Variants in MIP observed in about 807,000 individuals in gnomAD.
MIP encodes major intrinsic protein of lens fiber, also known as lens fiber major intrinsic protein.
In MIP, 14 loss-of-function variants were observed where a neutral mutation model predicts 21.8. The observed-to-expected ratio is 0.64, with a 90% CI of 0.42 to 1.00. The LOEUF is 1.00. MIP is among the 50% of genes least tolerant of loss of function. MIP has a pLI of 0.00. For missense variants in MIP, 260 were observed against 333.5 expected, an observed-to-expected ratio of 0.78 and a Z score of 1.72; for synonymous variants, 133 against 141.4, an observed-to-expected ratio of 0.94 and a Z score of 0.42.
intron 1 of MIP, among the ~76,000 whole-genome samples, chr12:56,454,051 T>C (rs1868713819): frequency 6.6e-6 from 1 of 152,182 alleles, no homozygotes; most frequent in Non-Finnish European, 1.5e-5. Flanking sequence ...AACTCAGGTT[T>C]CTTAATTCTC....
Position 56,453,702 on chromosome 12 carries a change from C to A in MIP, c.414G>T (p.Thr138=), listed in dbSNP as rs746222267. ...CAAAGATGCAGAGCACGAACTGGAG[C>A]GTCAGGAAGATCTCCACTGTGGTTG... ...GQATTVEIFL[T]LQFVLCIFAT... Residue 138 remains threonine (T), a synonymous_variant, in exon 2 of 4, where the codon ACG becomes ACT. Coordinates refer to ENST00000652304, the MANE Select transcript of MIP (RefSeq NM_012064.4). 3 of 1,614,088 alleles carry A rather than the reference C, an allele frequency of 1.9e-6. No individual in the cohort carries two copies. Among genetic ancestry groups the A allele is most frequent in the Non-Finnish European group, 2.5e-6 (3 of 1,179,990 alleles).
Position 56,454,501 on chromosome 12 carries a change from G to A in MIP, c.113C>T (p.Pro38Leu), listed in dbSNP as rs1203856217. 1 of 1,612,860 alleles carries A rather than the reference G, an allele frequency of 6.2e-7. No homozygotes were observed. Residue 38 changes from proline (P) to leucine (L), a missense_variant, in exon 1 of 4, where the codon CCC becomes CTC. Transcript: ENST00000652304. Reference protein sequence around the residue: ...LGSSLRWAPGPLHVLQVAMAF... With the variant: ...LGSSLRWAPGLLHVLQVAMAF... ...CATAGCCACCTGCAGAACATGCAGG[G>A]GTCCAGGAGCCCAGCGCAGTGAGGA...
At chr12:56,454,211 G>GAC (rs757881231) in intron 1 of MIP, 43 bp downstream of exon 1, 14 of 1,613,488 alleles carry the variant, frequency 8.7e-6, no homozygotes, top group African/African-American at 1.3e-5. Context: ...GCAATAGAGA[G>GAC]ACAGGACACC....
At position 56,452,340 on chromosome 12, in the gene MIP, T is replaced by C. The variant is rs556181781; in HGVS notation, c.606+732A>G. Among the ~76,000 whole-genome samples, 251 of 152,346 alleles carry C rather than the reference T, an allele frequency of 1.6e-3. 1 individual carries two copies. Among genetic ancestry groups the C allele is most frequent in the Admixed American group, 3.9e-3 (59 of 15,306 alleles). On this transcript the variant is annotated intron_variant, in intron 3 of 3. Coordinates refer to ENST00000652304, the MANE Select transcript of MIP (RefSeq NM_012064.4). ...ATAATGTCCTCAAGATTCATCCATG[T>C]TGTGGTATGTGTCACAATTTCCTTC... is the stretch of plus-strand genomic sequence containing the variant.
At chr12:56,452,707 G>A (rs147726729) in intron 3 of MIP, 418 of 330,778 alleles carry the variant, frequency 1.3e-3, no homozygotes, top group Non-Finnish European at 2.2e-3. Flanking sequence ...AGCCGATAAC[G>A]TATTAGAACT....
intron 1 of MIP, among the ~76,000 whole-genome samples, chr12:56,453,977 C>T (rs1187312069): frequency 6.6e-6 from 1 of 152,148 alleles, no homozygotes; most frequent in Non-Finnish European, 1.5e-5. Context: ...GAAACTGAGG[C>T]CTTGAAAGGT....
intron 1 of MIP, 64 bp from the exon 2 acceptor site, chr12:56,453,819 C>T (rs1043333233): frequency 1.3e-6 from 2 of 1,532,362 alleles, no homozygotes. Context: ...CTCCTCAAGA[C>T]TTCCCCGGCA....
chr12:56,454,864 G>A (rs1399150316), upstream of MIP, among the ~76,000 whole-genome samples: 2 of 152,178 alleles, frequency 1.3e-5, no homozygotes, highest in Non-Finnish European at 2.9e-5. Context: ...TGGGATTGGG[G>A]TCACAGCAAG....
Position 56,450,775 on chromosome 12 carries a change from A to G in MIP, c.*505T>C, listed in dbSNP as rs774053. On this transcript the variant is annotated 3_prime_UTR_variant, in exon 4 of 4. Transcript: ENST00000652304. ...CACCTCCCTTGAGTCCCTTCTCCTAACCCTTGGAAGCCTTGTCTCCTCCAC... is the reference window on the plus strand; with the variant it reads ...CACCTCCCTTGAGTCCCTTCTCCTAGCCCTTGGAAGCCTTGTCTCCTCCAC... 0.85 allele frequency: 138,809 copies of G among 163,274 alleles called. 60,703 individuals are homozygous for G. The highest frequency in any genetic ancestry group is 1 in the East Asian group (5,509 of 5,536). 10.1% of individuals were successfully genotyped at this position (163,274 alleles called of 1,614,324 possible).
At chr12:56,455,847 G>A (rs1868776081), upstream of MIP, among the ~76,000 whole-genome samples, 1 of 152,302 alleles carries the variant, frequency 6.6e-6, no homozygotes, top group African/African-American at 2.4e-5. Flanking sequence ...GGTGAGGCCT[G>A]CAAGAATGGT....
Position 56,450,959 on chromosome 12 carries a change from A to G in MIP, c.*321T>C. ...CTGGGTCGAGGAAGGGAGGTATAGG[A>G]TGGCACCTCTTTTTGCTTCCTTAGC... On this transcript the variant is annotated 3_prime_UTR_variant, in exon 4 of 4. Coordinates refer to ENST00000652304, the MANE Select transcript of MIP (RefSeq NM_012064.4). 2.7e-6 allele frequency: 1 copy of G among 373,824 alleles called. No individual in the cohort carries two copies. Among genetic ancestry groups the G allele is most frequent in the Non-Finnish European group, 5.0e-6 (1 of 199,694 alleles). The allele number at this position is 373,824 out of a possible 1,614,324, so 23.2% of individuals were successfully genotyped here. A position where few individuals can be genotyped will look rare whatever the true frequency, so the allele number is the denominator to read the frequency against.
chr12:56,451,363 G>A lies in MIP; in HGVS notation c.709C>T (p.Leu237Phe), dbSNP rs368530037. The A allele has an allele frequency of 1.2e-6, 2 of 1,613,942 alleles. No homozygotes were observed. Among genetic ancestry groups the A allele is most frequent in the African/African-American group, 2.7e-5 (2 of 74,898 alleles). The change falls in exon 4 of 4, where the codon CTC becomes TTC. Residue 237 changes from leucine to phenylalanine, a missense_variant. Physicochemically the swap from Leu to Phe is conservative, Grantham distance 22 (BLOSUM62 0). Transcript: ENST00000652304. Reference protein sequence around the residue: ...LKSISERLSVLKGAKPDVSNG... With the variant: ...LKSISERLSVFKGAKPDVSNG... ...GAGACATCGGGTTTGGCACCCTTGAGGACAGACAGTCTCTCAGAAATACTC... is the reference window on the plus strand; with the variant it reads ...GAGACATCGGGTTTGGCACCCTTGAAGACAGACAGTCTCTCAGAAATACTC...
At chr12:56,455,842 G>A (rs1272964441), upstream of MIP, among the ~76,000 whole-genome samples, 1 of 152,166 alleles carries the variant, frequency 6.6e-6, no homozygotes, top group Non-Finnish European at 1.5e-5. Flanking sequence ...TTCGAGGTGA[G>A]GCCTGCAAGA....
intron 3 of MIP, among the ~76,000 whole-genome samples, chr12:56,452,069 T>C (rs1319468710): frequency 6.6e-6 from 1 of 152,108 alleles, no homozygotes; most frequent in East Asian, 1.9e-4. Context: ...TATATATATG[T>C]TTTTAAGTGT....
In MIP at chr12:56,453,534, G is replaced by T. The variant is rs543263451; in HGVS notation, c.525+57C>A. ...GGCAGGAAGAACCCTTAAAAGTTGG[G>T]AAAGGTTTAGGGGCCCCGGAATCCT... On this transcript the variant is annotated intron_variant, in intron 2 of 3. Coordinates refer to ENST00000652304, the MANE Select transcript of MIP (RefSeq NM_012064.4). The T allele has an allele frequency of 6.2e-6, 10 of 1,600,636 alleles. 1 individual carries two copies. The Admixed American group carries it at 1.5e-4, about 24-fold the overall frequency.
chr12:56,452,943 C>T, intron 3 of MIP, 129 bp downstream of exon 3: 1 of 754,952 alleles, frequency 1.3e-6, no homozygotes, highest in East Asian at 2.5e-5. Context: ...AACTCTCTGA[C>T]AGCCCCCTTA....
chr12:56,454,198 A>G (rs1868718216), intron 1 of MIP, 56 bp downstream of exon 1: 3 of 1,612,266 alleles, frequency 1.9e-6, no homozygotes, highest in Middle Eastern at 1.6e-4. Context: ...TCAGGGAGTC[A>G]GGGCAATAGA....
Position 56,451,265 on chromosome 12 carries a change from A to C in MIP, c.*15T>G, listed in dbSNP as rs775991985. ...AACTCAGAAGCTTTCTACTCCCTCT[A>C]TTCAGCTGGAGCTTCTACAGGGCCT... is the stretch of plus-strand genomic sequence containing the variant. On this transcript the variant is annotated 3_prime_UTR_variant, in exon 4 of 4. Transcript: ENST00000652304. 1 of 1,612,582 alleles carries C rather than the reference A, an allele frequency of 6.2e-7. No individual in the cohort carries two copies.
chr12:56,454,231 A>G (rs757959827), intron 1 of MIP, 23 bp downstream of exon 1: 24 of 1,613,824 alleles, frequency 1.5e-5, no homozygotes, highest in Non-Finnish European at 2.0e-5. Flanking sequence ...CAGGTTCCCC[A>G]TCCCCTCTCA....
Sources: allele counts gnomAD v4.1 joint callset (sites outside exome capture counted in the v4.1 genomes callset), GRCh38; gene constraint gnomAD v4.1.1; transcripts MANE v1.5; gene names NCBI Gene and HGNC (gene_info 2026-07-23, HGNC 2026-07-21).